Variants in MORC1 observed in about 807,000 individuals in gnomAD.
MORC1 encodes the protein MORC family CW-type zinc finger protein 1.
MORC1 carries 59 observed loss-of-function variants against 134.9 expected under a neutral mutation model. The observed-to-expected ratio is 0.44, with a 90% CI of 0.35 to 0.54. The LOEUF is 0.54. Ranked by LOEUF, MORC1 falls within the 20% of genes least tolerant of loss-of-function variation. MORC1 has a pLI of 0.00. For missense variants in MORC1, 947 were observed against 1,134.5 expected (o/e 0.83, Z 2.37); for synonymous variants, 395 against 391.7 (o/e 1.01, Z -0.10).
intron 1 of MORC1, among the ~76,000 whole-genome samples, chr3:109,114,973 A>G (rs1214575082): frequency 2.0e-5 from 3 of 152,340 alleles, no homozygotes; most frequent in African/African-American, 7.2e-5. Flanking sequence ...AAATGGCCTC[A>G]GGTCACTTTC....
intron 3 of MORC1, among the ~76,000 whole-genome samples, chr3:109,107,077 T>G (rs796565111): frequency 3.3e-5 from 5 of 152,332 alleles, no homozygotes; most frequent in African/African-American, 1.2e-4. Context: ...ACATTTTTTC[T>G]ACATTCTCTC....
intron 21 of MORC1, among the ~76,000 whole-genome samples, chr3:108,991,911 A>G (rs1241610812): frequency 6.6e-6 from 1 of 152,054 alleles, no homozygotes; most frequent in Non-Finnish European, 1.5e-5. Flanking sequence ...CTTTCTTTTA[A>G]AATTGCTTAA....
intron 11 of MORC1, among the ~76,000 whole-genome samples, chr3:109,060,568 G>A (rs1950057447): frequency 6.6e-6 from 1 of 151,860 alleles, no homozygotes; most frequent in East Asian, 1.9e-4. Flanking sequence ...TTGATGTATG[G>A]CATACTACTG....
chr3:109,085,969 G>A (rs994228929), intron 8 of MORC1, among the ~76,000 whole-genome samples: 6 of 152,050 alleles, frequency 3.9e-5, no homozygotes, highest in Non-Finnish European at 7.4e-5. Flanking sequence ...AGGTCATTAC[G>A]TTAAGTGAAA....
intron 14 of MORC1, among the ~76,000 whole-genome samples, chr3:109,047,383 C>G (rs2121808): frequency 0.91 from 138,686 of 152,108 alleles, 64,141 homozygotes; most frequent in East Asian, 1. Flanking sequence ...TGCAATACGG[C>G]TGAGATCCTC....
intron 17 of MORC1, among the ~76,000 whole-genome samples, chr3:109,014,447 T>C (rs1447714375): frequency 1.3e-5 from 2 of 152,254 alleles, no homozygotes; most frequent in African/African-American, 2.4e-5. Context: ...AAGTCTACTC[T>C]ACATTCAAAA....
chr3:109,070,776 G>A (rs2399265), intron 8 of MORC1, among the ~76,000 whole-genome samples: 138,836 of 152,206 alleles, frequency 0.91, 64,237 homozygotes, highest in East Asian at 1. Context: ...AGGAATTTTC[G>A]AAAATGAAGA....
At chr3:109,108,673 G>A (rs1035308765) in intron 3 of MORC1, among the ~76,000 whole-genome samples, 7 of 152,032 alleles carry the variant, frequency 4.6e-5, no homozygotes, top group East Asian at 1.9e-4. Context: ...CGAGGCGGGC[G>A]GATCACAAGG....
intron 7 of MORC1, among the ~76,000 whole-genome samples, 163 bp downstream of exon 7, chr3:109,094,746 G>T (rs1231377833): frequency 1.3e-5 from 2 of 152,108 alleles, no homozygotes; most frequent in Admixed American, 1.3e-4. Flanking sequence ...TTGTTTGGAT[G>T]CTCTTAAGAC....
At chr3:109,035,562 C>T in intron 14 of MORC1, 94 bp from the exon 15 acceptor site, 1 of 740,618 alleles carries the variant, frequency 1.4e-6, no homozygotes, top group South Asian at 2.1e-5. Context: ...AATATGATCT[C>T]AACTGTGTAA....
At chr3:109,116,621 A>T (rs1390266182) in intron 1 of MORC1, among the ~76,000 whole-genome samples, 2 of 152,108 alleles carry the variant, frequency 1.3e-5, no homozygotes, top group African/African-American at 4.8e-5. Flanking sequence ...AAATTTTTTT[A>T]AAAAAAGAAT....
At chr3:109,026,153 G>A (rs2107594092) in intron 17 of MORC1, among the ~76,000 whole-genome samples, 1 of 152,246 alleles carries the variant, frequency 6.6e-6, no homozygotes, top group Middle Eastern at 3.4e-3. Flanking sequence ...CAAGCCCTGA[G>A]TACCAGAAAG....
intron 24 of MORC1, among the ~76,000 whole-genome samples, 186 bp from the exon 25 acceptor site, chr3:108,971,588 G>A (rs745646110): frequency 2.0e-5 from 3 of 152,154 alleles, no homozygotes; most frequent in Non-Finnish European, 2.9e-5. Flanking sequence ...ACTGGGGAGA[G>A]GAAGGTGGGT....
At chr3:109,006,935 C>T in intron 18 of MORC1, 94 bp downstream of exon 18, 2 of 960,544 alleles carry the variant, frequency 2.1e-6, no homozygotes, top group South Asian at 1.9e-5. Context: ...ATGTGAACCT[C>T]ATAAACCATG....
chr3:109,078,513 T>C (rs1420344565), intron 8 of MORC1, among the ~76,000 whole-genome samples: 1 of 151,956 alleles, frequency 6.6e-6, no homozygotes, highest in East Asian at 1.9e-4. Flanking sequence ...CAGTAAGAGT[T>C]CTATATTTTG....
chr3:108,984,839 C>CA, intron 22 of MORC1, 57 bp from the exon 23 acceptor site: 2 of 1,404,630 alleles, frequency 1.4e-6, no homozygotes, highest in Non-Finnish European at 2.0e-6. Flanking sequence ...TAAACTGAAC[C>CA]AAAAGAAATG....
At chr3:108,973,592 TTGG>T (rs200133763) in intron 24 of MORC1, among the ~76,000 whole-genome samples, 61 of 87,604 alleles carry the variant, frequency 7.0e-4, no homozygotes, top group African/African-American at 2.1e-3. Context: ...TTGCTTTGTT[TTGG>T]TTTTTTTTTT....
intron 14 of MORC1, among the ~76,000 whole-genome samples, chr3:109,049,347 G>T (rs577219970): frequency 6.6e-6 from 1 of 152,308 alleles, no homozygotes; most frequent in African/African-American, 2.4e-5. Context: ...ATTGACAAGG[G>T]TTAGGTGATA....
chr3:109,063,126 G>A, intron 10 of MORC1, 26 bp downstream of exon 10: 1 of 1,502,268 alleles, frequency 6.7e-7, no homozygotes, highest in Non-Finnish European at 9.2e-7. Flanking sequence ...GAACAACAAT[G>A]ATGTAGGCTA....
Sources: gnomAD v4.1 joint callset for allele counts (sites outside exome capture counted in the v4.1 genomes callset) on GRCh38, gnomAD v4.1.1 for gene constraint, MANE v1.5 for transcripts, NCBI Gene and HGNC (gene_info 2026-07-23, HGNC 2026-07-21) for gene names.